AFAP1L1: variants seen among roughly 807,000 people sequenced by gnomAD.
AFAP1L1 encodes actin filament-associated protein 1-like 1.
Under a neutral mutation model 99.8 loss-of-function variants are expected in AFAP1L1, and 77 were observed. That is an observed-to-expected ratio of 0.77 (90% CI 0.64 to 0.93). AFAP1L1 has a LOEUF of 0.93. Among genes scored for constraint, AFAP1L1 ranks in the 40% least tolerant of loss-of-function variants. The pLI is 0.00. For synonymous variants in AFAP1L1, 373 were observed against 395.3 expected (o/e 0.94, Z 0.67); for missense variants, 893 against 996.8 (o/e 0.90, Z 1.40).
chr5:149,330,470 C>T (rs1287184165), intron 16 of AFAP1L1, among the ~76,000 whole-genome samples: 3 of 152,262 alleles, frequency 2.0e-5, no homozygotes, highest in East Asian at 3.9e-4. Flanking sequence ...GACCTATGGA[C>T]GCTTTCCTAA....
chr5:149,337,932 A>G (rs1053323402), intron 18 of AFAP1L1, among the ~76,000 whole-genome samples: 29 of 152,176 alleles, frequency 1.9e-4, no homozygotes, highest in Admixed American at 1.9e-3. Flanking sequence ...CAGGTGCAAA[A>G]GCTCTCAAGC....
At chr5:149,312,570 C>G (rs1446549694) in intron 9 of AFAP1L1, among the ~76,000 whole-genome samples, 1 of 150,296 alleles carries the variant, frequency 6.7e-6, no homozygotes, top group Non-Finnish European at 1.5e-5. Context: ...TCACTTGAGC[C>G]CCGGAGTTCA....
At chr5:149,312,320 T>C (rs780075229) in intron 9 of AFAP1L1, 116 bp downstream of exon 9, 1 of 964,702 alleles carries the variant, frequency 1.0e-6, no homozygotes, top group Non-Finnish European at 1.7e-6. Flanking sequence ...AAACTGTAGG[T>C]GCCCAGCACA....
chr5:149,302,747 T>A (rs1288285599), intron 5 of AFAP1L1: 4 of 464,102 alleles, frequency 8.6e-6, no homozygotes, highest in Non-Finnish European at 3.9e-6. Context: ...TAGGTTCTAG[T>A]CCCAGATCTG....
chr5:149,326,545 TA>T (rs59762007), intron 15 of AFAP1L1, among the ~76,000 whole-genome samples: 69,679 of 128,928 alleles, frequency 0.54, 17,614 homozygotes, highest in East Asian at 0.69. Flanking sequence ...TCGCCAAAAA[TA>T]AAAAAAAAAA....
At chr5:149,319,892 G>C (rs922122651) in intron 13 of AFAP1L1, among the ~76,000 whole-genome samples, 165 bp downstream of exon 13, 4 of 152,222 alleles carry the variant, frequency 2.6e-5, no homozygotes, top group Admixed American at 6.5e-5. Context: ...AGCAAAGAGT[G>C]GGGAGCTGGC....
At chr5:149,337,307 C>CCACA (rs373421050) in intron 18 of AFAP1L1, among the ~76,000 whole-genome samples, 3 of 150,874 alleles carry the variant, frequency 2.0e-5, no homozygotes, top group Non-Finnish European at 3.0e-5. Context: ...ACTGTTCTCA[C>CCACA]CACACACACA....
chr5:149,287,570 A>G (rs1420586744), intron 1 of AFAP1L1, among the ~76,000 whole-genome samples: 1 of 151,808 alleles, frequency 6.6e-6, no homozygotes, highest in African/African-American at 2.4e-5. Flanking sequence ...CTGAGGTTCT[A>G]TTTTTATTTA....
At chr5:149,278,611 C>T (rs922232023) in intron 1 of AFAP1L1, among the ~76,000 whole-genome samples, 1 of 152,186 alleles carries the variant, frequency 6.6e-6, no homozygotes, top group Non-Finnish European at 1.5e-5. Flanking sequence ...CTCTAGGCCT[C>T]TCCCACACTA....
At chr5:149,291,962 C>G (rs914060654) in intron 1 of AFAP1L1, among the ~76,000 whole-genome samples, 5 of 152,156 alleles carry the variant, frequency 3.3e-5, no homozygotes, top group African/African-American at 1.2e-4. Context: ...ACTTTGAAAA[C>G]AAAGAAGGAT....
rs967724900 is a variant in AFAP1L1, at chr5:149,343,266, C to T, written c.*3236C>T. On this transcript the variant is annotated 3_prime_UTR_variant, in exon 19 of 19. Transcript: ENST00000296721. ...AAAGAAAATGTGACCCAAATAACTA[C>T]AGTACAAATAACCCATGTTATGACA... is the stretch of plus-strand genomic sequence containing the variant. 3.3e-5 allele frequency among the ~76,000 whole-genome samples: 5 copies of T among 151,898 alleles called. No individual in the cohort carries two copies. Among genetic ancestry groups the T allele is most frequent in the African/African-American group, 1.2e-4 (5 of 41,350 alleles).
At position 149,273,739 on chromosome 5, in the gene AFAP1L1, T is replaced by C. The variant is rs562061386; in HGVS notation, c.16+1755T>C. On this transcript the variant is annotated intron_variant, in intron 1 of 18. Transcript: ENST00000296721. ...CTGTTCCCACCTCCTGCATAATGCG[T>C]CTAAAGCAAATACCACCATCCCCCC... Among the ~76,000 whole-genome samples the C allele has an allele frequency of 6.6e-5, 10 of 152,040 alleles. No homozygotes were observed. In the East Asian group the frequency reaches 1.9e-3, roughly 29 times the overall value.
At chr5:149,274,724 C>G (rs1446935149) in intron 1 of AFAP1L1, among the ~76,000 whole-genome samples, 1 of 151,902 alleles carries the variant, frequency 6.6e-6, no homozygotes, top group Non-Finnish European at 1.5e-5. Flanking sequence ...ACTAAAAATA[C>G]AAAAATGAGC....
chr5:149,293,830 C>T (rs528985922), intron 1 of AFAP1L1, among the ~76,000 whole-genome samples: 17 of 152,298 alleles, frequency 1.1e-4, no homozygotes, highest in African/African-American at 3.4e-4. Flanking sequence ...GGTTGGGATC[C>T]TATTATTCTC....
intron 15 of AFAP1L1, among the ~76,000 whole-genome samples, chr5:149,328,292 A>C (rs1010701108): frequency 7.2e-5 from 11 of 152,156 alleles, no homozygotes; most frequent in African/African-American, 2.7e-4. Context: ...CGACTTATAT[A>C]AAGCTGTGTG....
chr5:149,300,376 T>G lies in AFAP1L1; in HGVS notation c.229+22T>G, dbSNP rs566075945. ...TTTGGTAAGTGACCCTCTCCCAACC[T>G]CAGCTACGGAGCCATCCCTCTTTCC... On this transcript the variant is annotated intron_variant, in intron 3 of 18. Coordinates refer to ENST00000296721, the MANE Select transcript of AFAP1L1 (RefSeq NM_152406.4). 2.5e-5 allele frequency: 40 copies of G among 1,601,360 alleles called. No homozygotes were observed. The South Asian group carries it at 4.5e-4, about 18-fold the overall frequency.
At chr5:149,315,748 T>G in intron 9 of AFAP1L1, 73 bp from the exon 10 acceptor site, 1 of 1,307,210 alleles carries the variant, frequency 7.6e-7, no homozygotes, top group Non-Finnish European at 1.1e-6. Flanking sequence ...GGAGGGAGAT[T>G]GAACCAATAA....
intron 7 of AFAP1L1, among the ~76,000 whole-genome samples, chr5:149,309,609 C>T (rs184872056): frequency 4.1e-4 from 62 of 152,302 alleles, no homozygotes; most frequent in African/African-American, 1.4e-3. Context: ...TTAGAATTGT[C>T]TCCCAAATTC....
intron 1 of AFAP1L1, among the ~76,000 whole-genome samples, chr5:149,299,228 C>T (rs1019335329): frequency 6.6e-6 from 1 of 152,172 alleles, no homozygotes; most frequent in African/African-American, 2.4e-5. Context: ...TGCCTGAGCT[C>T]AGGGTTGCCA....
Sources: gnomAD v4.1 joint callset for allele counts (sites outside exome capture counted in the v4.1 genomes callset) on GRCh38, gnomAD v4.1.1 for gene constraint, MANE v1.5 for transcripts, NCBI Gene and HGNC (gene_info 2026-07-23, HGNC 2026-07-21) for gene names.